The following OXR1 variants were observed in gnomAD, a reference collection of about 807,000 sequenced individuals.
OXR1 encodes oxidation resistance 1, also known as oxidation resistance protein 1.
In OXR1, 41 loss-of-function variants were observed where a neutral mutation model predicts 104.6. The ratio of observed to expected loss-of-function variants is 0.39; its 90% CI spans 0.31 to 0.51. The LOEUF (loss-of-function observed/expected upper bound fraction) is 0.51. Among genes scored for constraint, OXR1 ranks in the 20% least tolerant of loss-of-function variants. The probability of loss-of-function intolerance (pLI) is 0.77; values close to 1 mark genes in which losing one functional copy is unlikely to be tolerated. For missense variants in OXR1, 955 were observed against 1,031.9 expected (o/e 0.93, Z 1.02); for synonymous variants, 348 against 348.4 (o/e 1.00, Z 0.01).
At chr8:106,572,157 T>C (rs1817517440) in intron 3 of OXR1, among the ~76,000 whole-genome samples, 1 of 152,228 alleles carries the variant, frequency 6.6e-6, no homozygotes, top group East Asian at 1.9e-4. Context: ...TTCTCTTTTC[T>C]TGAAGAATAG....
rs1554619232 is a variant in OXR1 at position 106,294,412 on chromosome 8, A to AAAG, written c.-139+24047_-139+24048insGAA. ...CTCTGTCTCAAAAAAAAAAAAAAAA[A>AAAG]AAAGAAAGAAAGAAATACCTGAGAC... On this transcript the variant is annotated intron_variant, in intron 1 of 16. Coordinates refer to ENST00000517566, the MANE Select transcript of OXR1 (RefSeq NM_001198533.2). Among the ~76,000 whole-genome samples the AAAG allele has an allele frequency of 2.1e-3, 274 of 131,444 alleles. 1 individual carries two copies. Among genetic ancestry groups the AAAG allele is most frequent in the African/African-American group, 7.1e-3 (245 of 34,598 alleles). 86.2% of individuals were successfully genotyped at this position (131,444 alleles called of 152,430 possible).
chr8:106,500,507 C>T (rs1811734710), intron 2 of OXR1, among the ~76,000 whole-genome samples: 1 of 152,148 alleles, frequency 6.6e-6, no homozygotes, highest in Non-Finnish European at 1.5e-5. Flanking sequence ...CATGTAAAAT[C>T]TTTAGTGTTG....
intron 2 of OXR1, among the ~76,000 whole-genome samples, chr8:106,408,089 C>T (rs183287955): frequency 6.6e-6 from 1 of 152,286 alleles, no homozygotes; most frequent in African/African-American, 2.4e-5. Flanking sequence ...TGCTGAACAT[C>T]CTGCAATGCA....
At chr8:106,677,775 G>GT in intron 3 of OXR1, among the ~76,000 whole-genome samples, 1 of 152,164 alleles carries the variant, frequency 6.6e-6, no homozygotes, top group East Asian at 1.9e-4. Context: ...GTGTGTGTGT[G>GT]TATCTCTGCA....
At chr8:106,657,783 T>G in intron 3 of OXR1, 1 of 1,187,008 alleles carries the variant, frequency 8.4e-7, no homozygotes, top group Non-Finnish European at 1.1e-6. Context: ...GTCCGTCTTT[T>G]GCTCCCCCGA....
chr8:106,283,276 A>G lies in OXR1; in HGVS notation c.-139+12909A>G, dbSNP rs1812364257. ...AGTCTTAGAATTAAGTGCCATGTACAACCCATTGTAACCTTTCCTATCAGG... is the reference window on the plus strand; with the variant it reads ...AGTCTTAGAATTAAGTGCCATGTACGACCCATTGTAACCTTTCCTATCAGG... On this transcript the variant is annotated intron_variant, in intron 1 of 16. Transcript: ENST00000517566. Among the ~76,000 whole-genome samples the G allele has an allele frequency of 2.6e-5, 4 of 152,284 alleles. No homozygotes were observed. In the South Asian group the frequency reaches 8.3e-4, roughly 32 times the overall value.
intron 1 of OXR1, among the ~76,000 whole-genome samples, chr8:106,348,634 A>G (rs1195666993): frequency 6.6e-6 from 1 of 152,236 alleles, no homozygotes; most frequent in Non-Finnish European, 1.5e-5. Flanking sequence ...AAATATATCA[A>G]AACAGCTGGT....
intron 3 of OXR1, among the ~76,000 whole-genome samples, chr8:106,617,313 C>G (rs1481756990): frequency 6.6e-6 from 1 of 152,106 alleles, no homozygotes; most frequent in Non-Finnish European, 1.5e-5. Context: ...GACCCAGCTC[C>G]TCAGGAGGCT....
chr8:106,541,603 A>G (rs1452734773), intron 3 of OXR1, among the ~76,000 whole-genome samples: 1 of 152,138 alleles, frequency 6.6e-6, no homozygotes, highest in African/African-American at 2.4e-5. Flanking sequence ...TTGATCCCAA[A>G]CCAAACCTTT....
chr8:106,687,587 G>T (rs977181599), intron 6 of OXR1, among the ~76,000 whole-genome samples: 9 of 152,128 alleles, frequency 5.9e-5, no homozygotes, highest in Admixed American at 5.2e-4. Flanking sequence ...GGGTGTGGTG[G>T]CGGGCACTTG....
At chr8:106,493,043 A>AC (rs1270538938) in intron 2 of OXR1, among the ~76,000 whole-genome samples, 1 of 152,058 alleles carries the variant, frequency 6.6e-6, no homozygotes, top group Non-Finnish European at 1.5e-5. Flanking sequence ...AGGCTAGGAG[A>AC]CTTTTTTTTA....
chr8:106,517,550 A>G (rs1812940963), intron 2 of OXR1, among the ~76,000 whole-genome samples: 1 of 149,560 alleles, frequency 6.7e-6, no homozygotes, highest in African/African-American at 2.5e-5. Flanking sequence ...ATTTTTCCAA[A>G]GTAATGTTAC....
At chr8:106,544,518 T>C (rs1006476039) in intron 3 of OXR1, among the ~76,000 whole-genome samples, 11 of 152,220 alleles carry the variant, frequency 7.2e-5, no homozygotes, top group Non-Finnish European at 1.6e-4. Flanking sequence ...ATTATGTCTA[T>C]AACATCAGTG....
intron 1 of OXR1, among the ~76,000 whole-genome samples, chr8:106,323,946 A>G (rs748535942): frequency 1.2e-4 from 19 of 152,200 alleles, no homozygotes; most frequent in Non-Finnish European, 2.1e-4. Context: ...GTGGAAAGCA[A>G]TATGGTGATT....
intron 2 of OXR1, among the ~76,000 whole-genome samples, chr8:106,483,474 A>T (rs1822262952): frequency 6.6e-6 from 1 of 151,932 alleles, no homozygotes; most frequent in African/African-American, 2.4e-5. Flanking sequence ...AGGCAGGAGG[A>T]TTGCTTGAGC....
In OXR1 at chr8:106,440,007, G is replaced by A. The variant is rs573204735; in HGVS notation, c.24-78936G>A. On this transcript the variant is annotated intron_variant, in intron 2 of 16. Transcript: ENST00000517566. ...TGAGGTTTTACTGTGGCTGATATTC[G>A]GAGGCATGAAGAAAATTTCACTGAA... 6.0e-4 allele frequency among the ~76,000 whole-genome samples: 91 copies of A among 152,020 alleles called. No homozygotes were observed. The South Asian group carries it at 0.012, about 20-fold the overall frequency.
At chr8:106,348,022 G>A (rs1563730480) in intron 1 of OXR1, among the ~76,000 whole-genome samples, 1 of 152,190 alleles carries the variant, frequency 6.6e-6, no homozygotes, top group Non-Finnish European at 1.5e-5. Context: ...TTGAATTAAA[G>A]TGGGTATTGA....
chr8:106,731,271 T>C (rs918410023), intron 11 of OXR1, among the ~76,000 whole-genome samples: 2 of 152,216 alleles, frequency 1.3e-5, no homozygotes, highest in Non-Finnish European at 2.9e-5. Context: ...CAGACCATTG[T>C]CTCCTTCCTT....
chr8:106,607,420 C>G (rs1820483535), intron 3 of OXR1, among the ~76,000 whole-genome samples: 1 of 152,200 alleles, frequency 6.6e-6, no homozygotes, highest in African/African-American at 2.4e-5. Context: ...GTCAATAGCC[C>G]TCTTGTACTA....
Sources: gnomAD v4.1 joint callset for allele counts (sites outside exome capture counted in the v4.1 genomes callset) on GRCh38, gnomAD v4.1.1 for gene constraint, MANE v1.5 for transcripts, NCBI Gene and HGNC (gene_info 2026-07-23, HGNC 2026-07-21) for gene names.